Variants in CACNA2D3 observed in about 807,000 individuals in gnomAD.
The protein encoded by CACNA2D3 is calcium voltage-gated channel auxiliary subunit alpha2delta 3.
Under a neutral mutation model 160.6 loss-of-function variants are expected in CACNA2D3, and 60 were observed. The observed-to-expected ratio is 0.37, with a 90% CI of 0.30 to 0.46. The LOEUF (loss-of-function observed/expected upper bound fraction) is 0.46, where lower values mean the gene tolerates loss of function less well. Among genes scored for constraint, CACNA2D3 ranks in the 20% least tolerant of loss-of-function variants. The pLI is 1.00. For missense variants in CACNA2D3, 1,205 were observed against 1,365.0 expected (o/e 0.88, Z 1.85); for synonymous variants, 558 against 492.9 (o/e 1.13, Z -1.75).
intron 4 of CACNA2D3, among the ~76,000 whole-genome samples, chr3:54,415,077 T>C (rs1270979663): frequency 6.6e-6 from 1 of 152,158 alleles, no homozygotes; most frequent in East Asian, 1.9e-4. Context: ...TCCGAAATTA[T>C]GCTAGACAAA....
intron 2 of CACNA2D3, among the ~76,000 whole-genome samples, chr3:54,146,114 G>C (rs952045236): frequency 1.6e-4 from 25 of 151,960 alleles, no homozygotes; most frequent in Admixed American, 1.2e-3. Flanking sequence ...TTCGGGATGG[G>C]GCAGCCCTCT....
At chr3:54,904,914 T>G (rs1700419604) in intron 27 of CACNA2D3, among the ~76,000 whole-genome samples, 1 of 152,216 alleles carries the variant, frequency 6.6e-6, no homozygotes, top group South Asian at 2.1e-4. Context: ...GAAAATTGTT[T>G]TGTGTCCCAT....
intron 3 of CACNA2D3, among the ~76,000 whole-genome samples, chr3:54,335,312 G>A (rs1385994978): frequency 6.6e-6 from 1 of 152,184 alleles, no homozygotes; most frequent in Admixed American, 6.5e-5. Flanking sequence ...AGAAAGTAAA[G>A]GAATAAAGAA....
chr3:54,195,008 T>C (rs1701052900), intron 2 of CACNA2D3, among the ~76,000 whole-genome samples: 1 of 152,230 alleles, frequency 6.6e-6, no homozygotes. Flanking sequence ...CTTTCTCACA[T>C]GGCCACCCAT....
rs1280621466 is a variant in CACNA2D3 at position 54,341,514 on chromosome 3, A to T, written c.321+20956A>T. On this transcript the variant is annotated intron_variant, in intron 3 of 37. Coordinates refer to ENST00000474759, the MANE Select transcript of CACNA2D3 (RefSeq NM_018398.3). Reference sequence around the variant, plus strand: ...TTCCTCTGACCTGAAGGGGTCAGGAAGGTTGGTTCACCCTGGCATCTGGTG... The same window carrying T: ...TTCCTCTGACCTGAAGGGGTCAGGATGGTTGGTTCACCCTGGCATCTGGTG... Among the ~76,000 whole-genome samples the T allele has an allele frequency of 2.6e-5, 4 of 152,222 alleles. No homozygotes were observed. The East Asian group carries it at 7.7e-4, about 29-fold the overall frequency.
At chr3:54,939,706 G>T (rs769561273) in intron 27 of CACNA2D3, among the ~76,000 whole-genome samples, 1 of 152,176 alleles carries the variant, frequency 6.6e-6, no homozygotes, top group East Asian at 1.9e-4. Flanking sequence ...TTCAGAAGCC[G>T]CCCCTGCAGG....
chr3:54,386,986 TGTGTGTAA>T (rs1699198457), intron 4 of CACNA2D3, among the ~76,000 whole-genome samples: 1 of 152,206 alleles, frequency 6.6e-6, no homozygotes. Flanking sequence ...AACACTCACA[TGTGTGTAA>T]TCAGATTTCA....
chr3:54,841,331 A>G (rs1252951386), intron 16 of CACNA2D3, among the ~76,000 whole-genome samples: 1 of 152,244 alleles, frequency 6.6e-6, no homozygotes, highest in Non-Finnish European at 1.5e-5. Flanking sequence ...AAGGGAATAG[A>G]GGAAGAAGAT....
At chr3:55,055,459 A>G (rs77985438) in intron 35 of CACNA2D3, among the ~76,000 whole-genome samples, 4,917 of 152,098 alleles carry the variant, frequency 0.032, 113 homozygotes, top group Middle Eastern at 0.051. Flanking sequence ...GCTTTGTTGT[A>G]TAGTTTGAAA....
intron 17 of CACNA2D3, among the ~76,000 whole-genome samples, chr3:54,854,996 A>G (rs1236587488): frequency 1.3e-5 from 2 of 152,146 alleles, no homozygotes; most frequent in Admixed American, 1.3e-4. Flanking sequence ...AAGCTTATTC[A>G]ACTGAAAGAA....
intron 5 of CACNA2D3, among the ~76,000 whole-genome samples, chr3:54,543,417 A>AT (rs1402295697): frequency 1.3e-5 from 2 of 152,160 alleles, no homozygotes; most frequent in African/African-American, 4.8e-5. Flanking sequence ...AACAGCGGAT[A>AT]TTTTTGTTAA....
intron 21 of CACNA2D3, among the ~76,000 whole-genome samples, chr3:54,883,382 A>G (rs914325678): frequency 1.3e-5 from 2 of 152,164 alleles, no homozygotes; most frequent in African/African-American, 2.4e-5. Flanking sequence ...AGCTTATGTC[A>G]TTATTGTCAA....
intron 9 of CACNA2D3, among the ~76,000 whole-genome samples, chr3:54,592,437 T>C (rs1295079445): frequency 6.6e-6 from 1 of 152,216 alleles, no homozygotes; most frequent in East Asian, 1.9e-4. Context: ...TGCTGTTTTA[T>C]GTTCCAAATA....
At chr3:54,750,139 G>T (rs1000215661) in intron 11 of CACNA2D3, among the ~76,000 whole-genome samples, 2 of 152,204 alleles carry the variant, frequency 1.3e-5, no homozygotes, top group Non-Finnish European at 2.9e-5. Flanking sequence ...GTGATTCACA[G>T]TATTGTTCTG....
intron 5 of CACNA2D3, among the ~76,000 whole-genome samples, chr3:54,545,679 T>C (rs145012093): frequency 1.8e-3 from 272 of 152,312 alleles, no homozygotes; most frequent in Non-Finnish European, 3.2e-3. Context: ...AGTGCTTCAC[T>C]TGGGGAATGA....
intron 2 of CACNA2D3, among the ~76,000 whole-genome samples, chr3:54,229,815 G>A (rs1374432293): frequency 6.6e-6 from 1 of 152,078 alleles, no homozygotes. Flanking sequence ...ACTGTTCTGG[G>A]ACCCATTTTG....
intron 2 of CACNA2D3, among the ~76,000 whole-genome samples, chr3:54,311,634 C>T (rs1185431463): frequency 1.3e-5 from 2 of 152,134 alleles, no homozygotes; most frequent in Admixed American, 6.6e-5. Context: ...ACCAGCCGTG[C>T]AGGATACGAG....
intron 9 of CACNA2D3, among the ~76,000 whole-genome samples, chr3:54,615,544 C>A (rs1370649937): frequency 6.6e-6 from 1 of 152,188 alleles, no homozygotes; most frequent in African/African-American, 2.4e-5. Context: ...AGAGATATCT[C>A]AATCAATCAC....
chr3:54,846,939 G>A (rs1419998823), intron 17 of CACNA2D3, among the ~76,000 whole-genome samples: 1 of 152,238 alleles, frequency 6.6e-6, no homozygotes, highest in Non-Finnish European at 1.5e-5. Flanking sequence ...GTGTCTTGTG[G>A]ATAGAAGCTA....
Sources: gnomAD v4.1 joint callset for allele counts (sites outside exome capture counted in the v4.1 genomes callset) on GRCh38, gnomAD v4.1.1 for gene constraint, MANE v1.5 for transcripts, NCBI Gene and HGNC (gene_info 2026-07-23, HGNC 2026-07-21) for gene names.